The following CRTC3 variants were observed in gnomAD, a reference collection of about 807,000 sequenced individuals.
The protein encoded by CRTC3 is CREB regulated transcription coactivator 3.
In CRTC3, 26 loss-of-function variants were observed where a neutral mutation model predicts 74.5. The ratio of observed to expected loss-of-function variants is 0.35; its 90% CI spans 0.26 to 0.48. CRTC3 has a LOEUF of 0.48. Ranked by LOEUF, CRTC3 falls within the 20% of genes least tolerant of loss-of-function variation. The pLI, the probability that CRTC3 is intolerant of heterozygous loss-of-function variation, is 0.99. For missense variants in CRTC3, 760 were observed against 787.3 expected (o/e 0.97, Z 0.41); for synonymous variants, 377 against 325.8 (o/e 1.16, Z -1.69).
chr15:90,565,337 T>C (rs1297798787), intron 2 of CRTC3, among the ~76,000 whole-genome samples: 1 of 152,218 alleles, frequency 6.6e-6, no homozygotes, highest in Admixed American at 6.5e-5. Context: ...TTAAACGAGA[T>C]AATGTATACG....
chr15:90,574,264 G>A (rs1967346956), intron 2 of CRTC3, among the ~76,000 whole-genome samples: 1 of 152,114 alleles, frequency 6.6e-6, no homozygotes, highest in African/African-American at 2.4e-5. Flanking sequence ...AGATCACGAG[G>A]TCAAGAGATC....
chr15:90,549,429 T>G (rs1400501718), intron 2 of CRTC3, among the ~76,000 whole-genome samples: 2 of 152,126 alleles, frequency 1.3e-5, no homozygotes, highest in African/African-American at 2.4e-5. Flanking sequence ...AAATTTAAAT[T>G]TAAAAATCCA....
chr15:90,636,874 G>C (rs1969257634), intron 11 of CRTC3, among the ~76,000 whole-genome samples: 1 of 152,216 alleles, frequency 6.6e-6, no homozygotes, highest in Non-Finnish European at 1.5e-5. Context: ...ACACCAGTTA[G>C]AATGGCAATC....
At chr15:90,531,370 C>T (rs147524201) in intron 1 of CRTC3, among the ~76,000 whole-genome samples, 2 of 152,182 alleles carry the variant, frequency 1.3e-5, no homozygotes, top group African/African-American at 4.8e-5. Context: ...AGCTGAGCTC[C>T]CTTTCAAATG....
intron 9 of CRTC3, chr15:90,620,245 A>G (rs192072087): frequency 6.3e-4 from 104 of 165,934 alleles, no homozygotes; most frequent in Non-Finnish European, 4.7e-4. Context: ...ACTTAATGTC[A>G]CTGAACTGTA....
intron 2 of CRTC3, among the ~76,000 whole-genome samples, chr15:90,573,332 T>A (rs1051944945): frequency 3.3e-5 from 5 of 152,192 alleles, no homozygotes; most frequent in Non-Finnish European, 7.4e-5. Context: ...AAATATTTTC[T>A]CCATCTAGTA....
rs1309306387 is a variant in CRTC3 at position 90,644,739 on chromosome 15, G to A, written c.*2599G>A. On this transcript the variant is annotated 3_prime_UTR_variant, in exon 15 of 15. Transcript: ENST00000268184. ...GCAGGGTCGCCCTGGCCCACAGCAC[G>A]TGAGCCTGCACTCACTGCGGCCTTT... The A allele has an allele frequency of 2.6e-5, 6 of 232,578 alleles. No individual in the cohort carries two copies. The highest frequency in any genetic ancestry group is 1.3e-3 in the Middle Eastern group (1 of 776). The allele number at this position is 232,578 out of a possible 1,614,324, so 14.4% of individuals were successfully genotyped here. A position where few individuals can be genotyped will look rare whatever the true frequency, so the allele number is the denominator to read the frequency against.
chr15:90,630,388 CTCTTA>C (rs1968993514), intron 11 of CRTC3, among the ~76,000 whole-genome samples: 1 of 152,164 alleles, frequency 6.6e-6, no homozygotes, highest in Non-Finnish European at 1.5e-5. Flanking sequence ...AGGATTATAT[CTCTTA>C]TAAGGATGAA....
chr15:90,598,631 G>A, intron 3 of CRTC3: 1 of 663,814 alleles, frequency 1.5e-6, no homozygotes. Context: ...TATAAGAAGA[G>A]GAACAGATTA....
chr15:90,544,755 A>T (rs376616112), intron 2 of CRTC3, among the ~76,000 whole-genome samples: 20 of 152,378 alleles, frequency 1.3e-4, no homozygotes, highest in African/African-American at 4.8e-4. Flanking sequence ...GCAGTGCATG[A>T]GAGTTCCAGC....
intron 2 of CRTC3, among the ~76,000 whole-genome samples, chr15:90,543,739 G>A (rs963974736): frequency 6.6e-6 from 1 of 152,110 alleles, no homozygotes; most frequent in Non-Finnish European, 1.5e-5. Flanking sequence ...GAGGTATTAT[G>A]TAAATACAAT....
intron 7 of CRTC3, 103 bp downstream of exon 7, chr15:90,614,591 C>A: frequency 2.5e-6 from 2 of 804,938 alleles, no homozygotes; most frequent in Non-Finnish European, 4.1e-6. Context: ...CAGGACTCCC[C>A]CAAATGCTGA....
At chr15:90,605,211 G>A (rs923255262) in intron 5 of CRTC3, among the ~76,000 whole-genome samples, 8 of 152,156 alleles carry the variant, frequency 5.3e-5, no homozygotes, top group African/African-American at 1.2e-4. Context: ...CCATGTTTGC[G>A]CCATTGCATT....
chr15:90,602,235 C>A, intron 3 of CRTC3, 89 bp from the exon 4 acceptor site: 1 of 780,990 alleles, frequency 1.3e-6, no homozygotes, highest in South Asian at 1.5e-5. Flanking sequence ...GAACCAAAAA[C>A]TCAGTTGTTT....
At chr15:90,556,713 A>G (rs1382144694) in intron 2 of CRTC3, among the ~76,000 whole-genome samples, 1 of 152,150 alleles carries the variant, frequency 6.6e-6, no homozygotes, top group Non-Finnish European at 1.5e-5. Flanking sequence ...AGGGCCATTA[A>G]TTTATGGTAT....
chr15:90,602,230 A>G (rs1968088322), intron 3 of CRTC3, 94 bp from the exon 4 acceptor site: 10 of 761,502 alleles, frequency 1.3e-5, no homozygotes, highest in South Asian at 9.3e-5. Flanking sequence ...ATAAGGAACC[A>G]AAAACTCAGT....
intron 2 of CRTC3, among the ~76,000 whole-genome samples, chr15:90,580,426 CT>C (rs1045691133): frequency 1.6e-3 from 232 of 142,826 alleles, no homozygotes; most frequent in Non-Finnish European, 1.7e-3. Context: ...TCTTCTTCTT[CT>C]TTTTTTTTTT....
Position 90,588,764 on chromosome 15 carries a change from C to T in CRTC3, c.232-4872C>T, listed in dbSNP as rs559225629. Reference sequence around the variant, plus strand: ...ATAGTGATGCTGCTGCTCCTGACCACGAAAGGACTCTGCAGGTCAGCCCCA... The same window carrying T: ...ATAGTGATGCTGCTGCTCCTGACCATGAAAGGACTCTGCAGGTCAGCCCCA... On this transcript the variant is annotated intron_variant, in intron 2 of 14. Transcript: ENST00000268184. 9.9e-5 allele frequency among the ~76,000 whole-genome samples: 15 copies of T among 152,250 alleles called. 1 individual carries two copies. Among genetic ancestry groups the T allele is most frequent in the South Asian group, 6.2e-4 (3 of 4,820 alleles).
At chr15:90,598,810 C>T (rs900427103) in intron 3 of CRTC3, 13 of 323,204 alleles carry the variant, frequency 4.0e-5, no homozygotes, top group South Asian at 3.1e-4. Context: ...ACAGTGGGGC[C>T]GAGGGAAGGA....
Sources: allele counts gnomAD v4.1 joint callset (sites outside exome capture counted in the v4.1 genomes callset), GRCh38; gene constraint gnomAD v4.1.1; transcripts MANE v1.5; gene names NCBI Gene and HGNC (gene_info 2026-07-23, HGNC 2026-07-21).